The following PRRX2 variants were observed in gnomAD, a reference collection of about 807,000 sequenced individuals.
PRRX2 encodes paired related homeobox 2.
PRRX2 carries 11 observed loss-of-function variants against 18.0 expected under a neutral mutation model. That is an observed-to-expected ratio of 0.61 (90% CI 0.39 to 1.01). The LOEUF (loss-of-function observed/expected upper bound fraction) is 1.01. Ranked by LOEUF, PRRX2 falls within the 50% of genes least tolerant of loss-of-function variation. The pLI, the probability that PRRX2 is intolerant of heterozygous loss-of-function variation, is 0.01. For synonymous variants in PRRX2, 177 were observed against 154.8 expected, an observed-to-expected ratio of 1.14 and a Z score of -1.06; for missense variants, 387 against 351.0, an observed-to-expected ratio of 1.10 and a Z score of -0.82.
chr9:129,688,556 C>A (rs549067100), intron 1 of PRRX2, among the ~76,000 whole-genome samples: 1 of 152,298 alleles, frequency 6.6e-6, no homozygotes, highest in African/African-American at 2.4e-5. Context: ...TCCCAAGAAG[C>A]ATCATCCACG....
chr9:129,708,711 A>G (rs1832584914), intron 1 of PRRX2, among the ~76,000 whole-genome samples: 1 of 152,106 alleles, frequency 6.6e-6, no homozygotes, highest in Non-Finnish European at 1.5e-5. Context: ...TGTGTTTTTG[A>G]TGTCACATCT....
chr9:129,692,686 G>A (rs1479436631), intron 1 of PRRX2, among the ~76,000 whole-genome samples: 1 of 152,174 alleles, frequency 6.6e-6, no homozygotes, highest in Non-Finnish European at 1.5e-5. Flanking sequence ...CTTTCACTTA[G>A]TAAATATCCA....
rs905675788 is a variant in PRRX2, at chr9:129,695,441, G to C, written c.260-23790G>C. 1.3e-5 allele frequency among the ~76,000 whole-genome samples: 2 copies of C among 152,202 alleles called. No homozygotes were observed. The highest frequency in any genetic ancestry group is 1.3e-4 in the Admixed American group (2 of 15,272). On this transcript the variant is annotated intron_variant, in intron 1 of 3. Coordinates refer to ENST00000372469, the MANE Select transcript of PRRX2 (RefSeq NM_016307.4). This position sits in a 1 kb window ranked among gnomAD's most constrained non-coding sequence, Gnocchi z 4.8. Reference sequence around the variant, plus strand: ...CTTCCCTCCAAATTCCCGGTCTCTTGCTCTGGGCTTTACTTGACCAATGTG... The same window carrying C: ...CTTCCCTCCAAATTCCCGGTCTCTTCCTCTGGGCTTTACTTGACCAATGTG...
chr9:129,702,704 G>T (rs1056738666), intron 1 of PRRX2, among the ~76,000 whole-genome samples: 4 of 152,230 alleles, frequency 2.6e-5, no homozygotes, highest in African/African-American at 9.6e-5. Flanking sequence ...CTGAACTTGC[G>T]GGTGAGGGAG....
At chr9:129,696,612 C>T (rs1255253332) in intron 1 of PRRX2, among the ~76,000 whole-genome samples, 1 of 152,140 alleles carries the variant, frequency 6.6e-6, no homozygotes, top group Non-Finnish European at 1.5e-5. Flanking sequence ...TTAAAAAATA[C>T]ATTTTATAAA....
intron 1 of PRRX2, among the ~76,000 whole-genome samples, chr9:129,710,529 C>A (rs906255102): frequency 1.3e-5 from 2 of 152,104 alleles, no homozygotes; most frequent in African/African-American, 4.8e-5. Flanking sequence ...GTCAAGAGAT[C>A]GAGACCATCC....
chr9:129,676,226 G>A (rs1003740361), intron 1 of PRRX2, among the ~76,000 whole-genome samples: 10 of 152,180 alleles, frequency 6.6e-5, no homozygotes, highest in African/African-American at 2.4e-4. Context: ...TGGGACGGTG[G>A]GAATCAGGGG....
In PRRX2 at chr9:129,706,389, C is replaced by T. The variant is rs1832557982; in HGVS notation, c.260-12842C>T. Among the ~76,000 whole-genome samples, 3 of 152,156 alleles carry T rather than the reference C, an allele frequency of 2.0e-5. No homozygotes were observed. The South Asian group carries it at 6.2e-4, about 32-fold the overall frequency. ...TGAGGTCAGGAGCAACCCGGTAAAA[C>T]CCTGTCTCTACCAAAAATACAAAAG... On this transcript the variant is annotated intron_variant, in intron 1 of 3. Coordinates refer to ENST00000372469, the MANE Select transcript of PRRX2 (RefSeq NM_016307.4).
chr9:129,684,237 G>C (rs1365555284), intron 1 of PRRX2, among the ~76,000 whole-genome samples: 1 of 152,144 alleles, frequency 6.6e-6, no homozygotes, highest in East Asian at 1.9e-4. Context: ...ATGATGGGTA[G>C]AAGACTGGTC....
intron 1 of PRRX2, among the ~76,000 whole-genome samples, chr9:129,699,475 A>G (rs1220271510): frequency 1.4e-5 from 2 of 145,108 alleles, no homozygotes; most frequent in Middle Eastern, 3.2e-3. Context: ...GTGTGTGTAT[A>G]CATATATCCA....
At chr9:129,720,513 G>T in intron 2 of PRRX2, 83 bp from the exon 3 acceptor site, 1 of 1,356,324 alleles carries the variant, frequency 7.4e-7, no homozygotes, top group East Asian at 2.5e-5. Context: ...CTGGGCTGGT[G>T]ACAGAGCAGG....
At chr9:129,666,868 C>T (rs2119043907) in intron 1 of PRRX2, among the ~76,000 whole-genome samples, 1 of 152,270 alleles carries the variant, frequency 6.6e-6, no homozygotes. Context: ...GGATGGGGGC[C>T]CGGTGATCTG....
intron 1 of PRRX2, among the ~76,000 whole-genome samples, chr9:129,703,769 T>C (rs1438982261): frequency 2.0e-5 from 3 of 152,278 alleles, no homozygotes; most frequent in South Asian, 2.1e-4. Context: ...CAGGACGCCA[T>C]TGGAGCTTTG....
At chr9:129,678,993 G>T (rs1029387741) in intron 1 of PRRX2, among the ~76,000 whole-genome samples, 1 of 152,192 alleles carries the variant, frequency 6.6e-6, no homozygotes, top group African/African-American at 2.4e-5. Flanking sequence ...TCCTCAGCCA[G>T]GGAGGGAAAG....
intron 1 of PRRX2, among the ~76,000 whole-genome samples, chr9:129,683,112 A>AG (rs1472561224): frequency 6.6e-6 from 1 of 152,076 alleles, no homozygotes; most frequent in Non-Finnish European, 1.5e-5. Context: ...TCTAAAAAAA[A>AG]AAAAATTCCC....
At chr9:129,680,811 T>A (rs890665108) in intron 1 of PRRX2, among the ~76,000 whole-genome samples, 4 of 152,224 alleles carry the variant, frequency 2.6e-5, no homozygotes, top group Non-Finnish European at 4.4e-5. Flanking sequence ...ACCTAGCTTC[T>A]GGCTGGATGT....
chr9:129,703,692 G>A (rs1013293228), intron 1 of PRRX2, among the ~76,000 whole-genome samples: 4 of 152,162 alleles, frequency 2.6e-5, no homozygotes, highest in African/African-American at 9.7e-5. Context: ...AAAATTAAGG[G>A]TGTGGAAGAA....
chr9:129,670,107 C>A (rs750261763), intron 1 of PRRX2, among the ~76,000 whole-genome samples: 1 of 149,524 alleles, frequency 6.7e-6, no homozygotes, highest in Non-Finnish European at 1.5e-5. Context: ...CGTTCTGTGA[C>A]CGTCTTATTT....
intron 1 of PRRX2, among the ~76,000 whole-genome samples, chr9:129,714,734 G>A (rs774425828): frequency 2.6e-5 from 4 of 152,232 alleles, no homozygotes; most frequent in Non-Finnish European, 5.9e-5. Context: ...TACTCGGCAA[G>A]GCGAAGGCTG....
Sources: gnomAD v4.1 joint callset for allele counts (sites outside exome capture counted in the v4.1 genomes callset) on GRCh38, gnomAD v4.1.1 for gene constraint, Gnocchi (gnomAD v3.1) non-coding constraint, MANE v1.5 for transcripts, NCBI Gene and HGNC (gene_info 2026-07-23, HGNC 2026-07-21) for gene names.